Variants in GTPBP1 observed in about 807,000 individuals in gnomAD.
GTPBP1 encodes GTP-binding protein 1.
GTPBP1 carries 23 observed loss-of-function variants against 62.0 expected under a neutral mutation model. That is an observed-to-expected ratio of 0.37 (90% CI 0.27 to 0.53). The LOEUF (loss-of-function observed/expected upper bound fraction) is 0.53, where lower values mean the gene tolerates loss of function less well. Ranked by LOEUF, GTPBP1 falls within the 20% of genes least tolerant of loss-of-function variation. The pLI is 0.89. For synonymous variants in GTPBP1, 344 were observed against 364.4 expected, an observed-to-expected ratio of 0.94 and a Z score of 0.64; for missense variants, 640 against 917.3, an observed-to-expected ratio of 0.70 and a Z score of 3.90.
Position 38,730,784 on chromosome 22 carries a change from GACCGCCA to G in GTPBP1, c.*81_*87del. On this transcript the variant is annotated 3_prime_UTR_variant, in exon 12 of 12. Transcript: ENST00000216044. This position sits in a 1 kb window ranked among gnomAD's most constrained non-coding sequence, Gnocchi z 5.6. ...TCCACCAGATGGGCAGAGCAGCTAT[GACCGCCA>G]CCCAGCCCTCCCGCTCAGGCCACAG... 1 of 760,436 alleles carries G rather than the reference GACCGCCA, an allele frequency of 1.3e-6. No individual in the cohort carries two copies. The highest frequency in any genetic ancestry group is 2.1e-6 in the Non-Finnish European group (1 of 479,028). The allele number at this position is 760,436 out of a possible 1,614,324, so 47.1% of individuals were successfully genotyped here.
In GTPBP1 at chr22:38,728,280, G is replaced by A. The variant is rs1481356590; in HGVS notation, c.1716+119G>A. The A allele has an allele frequency of 1.7e-5, 12 of 716,910 alleles. No homozygotes were observed. In the South Asian group the frequency reaches 2.0e-4, roughly 12 times the overall value. The allele number at this position is 716,910 out of a possible 1,614,324, so 44.4% of individuals were successfully genotyped here. A position where few individuals can be genotyped will look rare whatever the true frequency, so the allele number is the denominator to read the frequency against. On this transcript the variant is annotated intron_variant, in intron 10 of 11. Coordinates refer to ENST00000216044, the MANE Select transcript of GTPBP1 (RefSeq NM_004286.5). Reference sequence around the variant, plus strand: ...CCATGGGAGAGCTGGACCCACTGAGGTGTGGCCTCGGTGCCATCTCTCTAC... The same window carrying A: ...CCATGGGAGAGCTGGACCCACTGAGATGTGGCCTCGGTGCCATCTCTCTAC...
At chr22:38,740,303 G>T, downstream of GTPBP1, 1 of 1,603,716 alleles carries the variant, frequency 6.2e-7, no homozygotes, top group Non-Finnish European at 8.5e-7. The surrounding 1 kb of genome is among the most constrained non-coding windows in gnomAD (Gnocchi z 4.8). Context: ...GGGGCAGCAG[G>T]CCCACTTCTT....
At position 38,724,428 on chromosome 22, in the gene GTPBP1, G is replaced by A. The variant is rs374392739; in HGVS notation, c.1073+17G>A. 1.4e-5 allele frequency: 20 copies of A among 1,435,600 alleles called. No homozygotes were observed. The highest frequency in any genetic ancestry group is 9.1e-5 in the South Asian group (8 of 87,618). The allele number at this position is 1,435,600 out of a possible 1,614,324, so 88.9% of individuals were successfully genotyped here. ...CTCTGAAAGGTAACGCGTGGGGAGC[G>A]CACACTTCAGACAGGCACCCTTGCA... On this transcript the variant is annotated intron_variant, in intron 6 of 11. Coordinates refer to ENST00000216044, the MANE Select transcript of GTPBP1 (RefSeq NM_004286.5).
At chr22:38,718,594 A>G (rs911555187) in intron 4 of GTPBP1, among the ~76,000 whole-genome samples, 4 of 152,184 alleles carry the variant, frequency 2.6e-5, no homozygotes, top group African/African-American at 9.7e-5. Flanking sequence ...AGACTGTGGA[A>G]GTGTCCTGGT....
At chr22:38,739,521 C>T (rs1348384863), downstream of GTPBP1, 1 of 1,446,958 alleles carries the variant, frequency 6.9e-7, no homozygotes, top group Non-Finnish European at 9.6e-7. The surrounding 1 kb of genome is among the most constrained non-coding windows in gnomAD (Gnocchi z 6.7). Flanking sequence ...GGGCTGACCC[C>T]TTCTAGGCTT....
intron 4 of GTPBP1, among the ~76,000 whole-genome samples, chr22:38,718,072 G>A (rs141787356): frequency 2.0e-4 from 31 of 152,332 alleles, no homozygotes; most frequent in East Asian, 1.9e-4. Context: ...AGGCAGAGCC[G>A]TGTGAACACT....
At chr22:38,740,409 T>C, downstream of GTPBP1, 2 of 1,555,282 alleles carry the variant, frequency 1.3e-6, no homozygotes, top group African/African-American at 2.7e-5. The surrounding 1 kb of genome is among the most constrained non-coding windows in gnomAD (Gnocchi z 4.8). Context: ...CACAGAGCTC[T>C]CCTGGAAGGA....
chr22:38,730,836 C>T lies in GTPBP1; in HGVS notation c.*132C>T, dbSNP rs2092754679. The T allele has an allele frequency of 3.5e-6, 2 of 570,288 alleles. No individual in the cohort carries two copies. Among genetic ancestry groups the T allele is most frequent in the South Asian group, 2.1e-5 (1 of 47,272 alleles). The allele number at this position is 570,288 out of a possible 1,614,324, so 35.3% of individuals were successfully genotyped here. A position where few individuals can be genotyped will look rare whatever the true frequency, so the allele number is the denominator to read the frequency against. The stretch of plus-strand genomic sequence containing the variant: ...CCACAGCCGGAGCCTCCGCATTGCC[C>T]CCACCCCCATTTTCCAGGGGGGTTG... On this transcript the variant is annotated 3_prime_UTR_variant, in exon 12 of 12. Transcript: ENST00000216044. This position sits in a 1 kb window ranked among gnomAD's most constrained non-coding sequence, Gnocchi z 5.6.
chr22:38,708,319 G>A (rs1419011385), intron 1 of GTPBP1, among the ~76,000 whole-genome samples: 1 of 152,190 alleles, frequency 6.6e-6, no homozygotes, highest in Non-Finnish European at 1.5e-5. Flanking sequence ...ATGGTGCTTT[G>A]TTGATGAAGA....
downstream of GTPBP1, chr22:38,739,742 C>T: frequency 6.2e-7 from 1 of 1,613,694 alleles, no homozygotes; most frequent in South Asian, 1.1e-5. This position sits in a 1 kb window ranked among gnomAD's most constrained non-coding sequence, Gnocchi z 6.7. Context: ...ACTCCAATCA[C>T]ACCTTCTTTC....
intron 4 of GTPBP1, 23 bp downstream of exon 4, chr22:38,717,023 A>T (rs774481957): frequency 2.7e-6 from 4 of 1,467,860 alleles, no homozygotes. Context: ...CGCCCCAAGG[A>T]GGGGAGGCGT....
intron 10 of GTPBP1, 92 bp from the exon 11 acceptor site, chr22:38,729,370 C>G: frequency 3.3e-6 from 3 of 900,948 alleles, no homozygotes; most frequent in Non-Finnish European, 5.0e-6. Flanking sequence ...AATGAGGAGT[C>G]TGTGGGAGAA....
downstream of GTPBP1, chr22:38,739,709 A>T (rs779431966): frequency 1.9e-6 from 3 of 1,612,006 alleles, no homozygotes; most frequent in Non-Finnish European, 2.5e-6. The surrounding 1 kb of genome is among the most constrained non-coding windows in gnomAD (Gnocchi z 6.7). Context: ...GGAGAGGGGC[A>T]TGTGGGCCTC....
At chr22:38,706,722 T>G (rs2145833589) in intron 1 of GTPBP1, 1 of 152,348 alleles carries the variant, frequency 6.6e-6, no homozygotes, top group South Asian at 2.1e-4. Context: ...GAATGTCTAC[T>G]TTTCGAGGCC....
At chr22:38,735,033 T>G, downstream of GTPBP1, 1 of 293,438 alleles carries the variant, frequency 3.4e-6, no homozygotes, top group Non-Finnish European at 6.8e-6. Context: ...AGAAACTGAG[T>G]ATCACCCAGT....
downstream of GTPBP1, chr22:38,738,901 T>G: frequency 6.2e-7 from 1 of 1,608,524 alleles, no homozygotes. This position sits in a 1 kb window ranked among gnomAD's most constrained non-coding sequence, Gnocchi z 6.6. Context: ...TGACTGGGAG[T>G]GGTACCACAG....
chr22:38,725,926 G>C (rs1225481027), intron 6 of GTPBP1, 80 bp from the exon 7 acceptor site: 1 of 1,355,860 alleles, frequency 7.4e-7, no homozygotes, highest in Admixed American at 1.7e-5. Flanking sequence ...CCCTGTTGCT[G>C]CCCCTGGTCT....
At chr22:38,721,245 A>T (rs148341442) in intron 4 of GTPBP1, among the ~76,000 whole-genome samples, 44 of 152,100 alleles carry the variant, frequency 2.9e-4, no homozygotes, top group African/African-American at 8.7e-4. Flanking sequence ...ACGCCTGGCT[A>T]ATTTTGTATT....
Position 38,726,392 on chromosome 22 carries a change from T to G in GTPBP1, c.1353T>G (p.Pro451=), listed in dbSNP as rs1276820257. 6.2e-7 allele frequency: 1 copy of G among 1,614,032 alleles called. No individual in the cohort carries two copies. The highest frequency in any genetic ancestry group is 1.1e-5 in the South Asian group (1 of 91,082). The part of the protein sequence containing the change: ...AVKSIHRKRM[P]VKEVRGGQTA... The stretch of plus-strand genomic sequence containing the variant: ...AATCCATCCATCGCAAGCGCATGCC[T>G]GTCAAGGAGGTGCGGGGTGGCCAGA... Residue 451 remains proline, a synonymous_variant, in exon 8 of 12, where the codon CCT becomes CCG. Transcript: ENST00000216044. This position sits in a 1 kb window ranked among gnomAD's most constrained non-coding sequence, Gnocchi z 4.1.
Sources: allele counts gnomAD v4.1 joint callset (sites outside exome capture counted in the v4.1 genomes callset), GRCh38; gene constraint gnomAD v4.1.1; non-coding constraint Gnocchi (gnomAD v3.1); transcripts MANE v1.5; gene names NCBI Gene and HGNC (gene_info 2026-07-23, HGNC 2026-07-21).